The following SYCP2 variants were observed in gnomAD, a reference collection of about 807,000 sequenced individuals.
SYCP2 encodes the protein synaptonemal complex protein 2, also known as synaptonemal complex lateral element protein.
In SYCP2, 55 loss-of-function variants were observed where a neutral mutation model predicts 211.3. The ratio of observed to expected loss-of-function variants is 0.26; its 90% CI spans 0.21 to 0.33. The LOEUF (loss-of-function observed/expected upper bound fraction) is 0.33. SYCP2 is among the 10% of genes least tolerant of loss of function. SYCP2 has a pLI of 1.00. For synonymous variants in SYCP2, 570 were observed against 555.2 expected (o/e 1.03, Z -0.37); for missense variants, 1,731 against 1,752.0 (o/e 0.99, Z 0.21).
chr20:59,898,125 TTAAA>T (rs1167254200), intron 18 of SYCP2, among the ~76,000 whole-genome samples: 5 of 151,752 alleles, frequency 3.3e-5, no homozygotes, highest in Admixed American at 6.6e-5. Flanking sequence ...ATCTCAAAAA[TTAAA>T]TAAAAAGAAA....
chr20:59,900,211 G>A lies in SYCP2; in HGVS notation c.1331C>T (p.Pro444Leu). The change falls in exon 18 of 45, where the codon CCA becomes CTA. Residue 444 changes from proline to leucine, a missense_variant. By Grantham distance (98) the Pro-to-Leu change is moderately conservative. Coordinates refer to ENST00000357552, the MANE Select transcript of SYCP2 (RefSeq NM_014258.4). Reference sequence around the variant, plus strand: ...TTTTGAAGGTTTAGCAAATTCCTTTGGGGACTTTGATTTTTCCTTTAAACT... The same window carrying A: ...TTTTGAAGGTTTAGCAAATTCCTTTAGGGACTTTGATTTTTCCTTTAAACT... ...LVSLKEKSKS[P>L]KEFAKPSKYI... is the part of the protein sequence containing the mutation. 1 of 1,612,644 alleles carries A rather than the reference G, an allele frequency of 6.2e-7. No homozygotes were observed. Among genetic ancestry groups the A allele is most frequent in the Non-Finnish European group, 8.5e-7 (1 of 1,179,282 alleles).
intron 2 of SYCP2, among the ~76,000 whole-genome samples, chr20:59,927,312 A>T (rs1376699091): frequency 6.6e-6 from 1 of 152,156 alleles, no homozygotes; most frequent in Non-Finnish European, 1.5e-5. Flanking sequence ...AAATCTTTAC[A>T]TTCAAATTTG....
chr20:59,920,213 T>C (rs2060515652), intron 5 of SYCP2, 146 bp downstream of exon 5: 1 of 690,808 alleles, frequency 1.4e-6, no homozygotes, highest in Non-Finnish European at 2.4e-6. Flanking sequence ...TTGTAACATA[T>C]ATCACAAGTT....
chr20:59,870,541 CA>C (rs1189222036), intron 35 of SYCP2, among the ~76,000 whole-genome samples: 3 of 151,500 alleles, frequency 2.0e-5, no homozygotes, highest in Non-Finnish European at 4.4e-5. Context: ...CCCAACTTTG[CA>C]GGAAATAAGA....
chr20:59,879,856 TATATATACAC>T (rs1480367059), intron 31 of SYCP2, among the ~76,000 whole-genome samples: 117 of 114,448 alleles, frequency 1.0e-3, no homozygotes, highest in African/African-American at 3.9e-3. Flanking sequence ...TATATATATA[TATATATACAC>T]ACACACACAC....
chr20:59,893,735 G>A (rs55798744), intron 20 of SYCP2, 142 bp from the exon 21 acceptor site: 35,818 of 536,784 alleles, frequency 0.067, 1,528 homozygotes, highest in Non-Finnish European at 0.083. Context: ...TTTCATAAAC[G>A]TTATGCCCGT....
intron 26 of SYCP2, among the ~76,000 whole-genome samples, 177 bp from the exon 27 acceptor site, chr20:59,882,342 A>T (rs892850178): frequency 3.3e-5 from 5 of 152,138 alleles, no homozygotes; most frequent in African/African-American, 1.2e-4. Context: ...GGCCTCATAC[A>T]CTGTTGGTGG....
chr20:59,901,146 C>T (rs908749657), intron 16 of SYCP2, among the ~76,000 whole-genome samples: 3 of 152,026 alleles, frequency 2.0e-5, no homozygotes, highest in African/African-American at 7.2e-5. Flanking sequence ...CTTAGATTCT[C>T]AGTTAAACAA....
At chr20:59,931,151 G>A (rs2060732997) in intron 2 of SYCP2, among the ~76,000 whole-genome samples, 1 of 152,218 alleles carries the variant, frequency 6.6e-6, no homozygotes, top group Non-Finnish European at 1.5e-5. Flanking sequence ...GGTGGCTTAT[G>A]TCTGTAATGC....
chr20:59,895,738 G>T, intron 19 of SYCP2, 141 bp from the exon 20 acceptor site: 4 of 939,292 alleles, frequency 4.3e-6, no homozygotes, highest in Non-Finnish European at 6.5e-6. Context: ...AGTGAATATA[G>T]ATGCCATCTA....
At chr20:59,881,174 C>G (rs1478098922) in intron 29 of SYCP2, 151 bp from the exon 30 acceptor site, 1 of 564,808 alleles carries the variant, frequency 1.8e-6, no homozygotes, top group Non-Finnish European at 3.1e-6. Context: ...CCTCTCTGAC[C>G]TCAGTTATAA....
chr20:59,905,244 A>G (rs976846997), intron 15 of SYCP2, among the ~76,000 whole-genome samples: 1 of 152,182 alleles, frequency 6.6e-6, no homozygotes, highest in African/African-American at 2.4e-5. Flanking sequence ...GTCTGAACTA[A>G]CCACTGAACT....
intron 26 of SYCP2, among the ~76,000 whole-genome samples, chr20:59,882,969 T>C (rs1173825645): frequency 6.6e-6 from 1 of 152,312 alleles, no homozygotes; most frequent in East Asian, 1.9e-4. Flanking sequence ...GTGCTTCCAC[T>C]AACATAAATC....
chr20:59,917,713 ATCCTAGGTAAGTCTTCT>A (rs2060469306), intron 7 of SYCP2, among the ~76,000 whole-genome samples: 1 of 152,178 alleles, frequency 6.6e-6, no homozygotes, highest in South Asian at 2.1e-4. Context: ...TCATTGACCA[ATCCTAGGTAAGTCTTCT>A]TCAATCAACA....
At chr20:59,925,583 T>C (rs1365023586) in intron 2 of SYCP2, among the ~76,000 whole-genome samples, 1 of 152,126 alleles carries the variant, frequency 6.6e-6, no homozygotes, top group Non-Finnish European at 1.5e-5. Context: ...AAAAGGGTCC[T>C]ATTTTGGCAC....
chr20:59,893,263 G>A (rs1268033388), intron 21 of SYCP2, 64 bp from the exon 22 acceptor site: 1 of 1,104,622 alleles, frequency 9.1e-7, no homozygotes, highest in Non-Finnish European at 1.3e-6. Flanking sequence ...GGATAGGGAG[G>A]TTAGTATAGA....
chr20:59,865,721 T>G (rs2059318612), intron 42 of SYCP2, 70 bp from the exon 43 acceptor site: 3 of 1,051,920 alleles, frequency 2.9e-6, no homozygotes, highest in African/African-American at 3.4e-5. Flanking sequence ...TAATATAGTA[T>G]ATATAATTTT....
At chr20:59,926,425 ACT>A (rs2060635451) in intron 2 of SYCP2, among the ~76,000 whole-genome samples, 1 of 151,082 alleles carries the variant, frequency 6.6e-6, no homozygotes, top group African/African-American at 2.4e-5. Flanking sequence ...GTATAAATCC[ACT>A]CTCTGCCTCC....
At chr20:59,903,445 T>C (rs1234683379) in intron 15 of SYCP2, among the ~76,000 whole-genome samples, 1 of 152,102 alleles carries the variant, frequency 6.6e-6, no homozygotes, top group African/African-American at 2.4e-5. Context: ...AGGCTTTTTG[T>C]TTTATGATGT....
Sources: allele counts gnomAD v4.1 joint callset (sites outside exome capture counted in the v4.1 genomes callset), GRCh38; gene constraint gnomAD v4.1.1; transcripts MANE v1.5; gene names NCBI Gene and HGNC (gene_info 2026-07-23, HGNC 2026-07-21).